Variants in TMEM67 observed in about 807,000 individuals in gnomAD.
The protein encoded by TMEM67 is meckelin.
In TMEM67, 124 loss-of-function variants were observed where a neutral mutation model predicts 136.6. That is an observed-to-expected ratio of 0.91 (90% CI 0.78 to 1.05). The LOEUF (loss-of-function observed/expected upper bound fraction) is 1.05, where lower values mean the gene tolerates loss of function less well. Ranked by LOEUF, TMEM67 falls within the 50% of genes least tolerant of loss-of-function variation. The pLI, the probability that TMEM67 is intolerant of heterozygous loss-of-function variation, is 0.00. For missense variants in TMEM67, 1,107 were observed against 1,178.4 expected (o/e 0.94, Z 0.89); for synonymous variants, 364 against 390.5 (o/e 0.93, Z 0.80).
intron 6 of TMEM67, among the ~76,000 whole-genome samples, chr8:93,766,474 G>A (rs754693087): frequency 5.9e-5 from 9 of 152,190 alleles, no homozygotes; most frequent in Non-Finnish European, 1.2e-4. Flanking sequence ...AGCTTTGGCA[G>A]CAGATGCTGG....
Position 93,808,939 on chromosome 8 carries a change from C to T in TMEM67, c.2539C>T (p.His847Tyr). 2 of 1,603,154 alleles carry T rather than the reference C, an allele frequency of 1.2e-6. No homozygotes were observed. Among genetic ancestry groups the T allele is most frequent in the Non-Finnish European group, 1.7e-6 (2 of 1,170,316 alleles). ...NQMRQHYDRI[H>Y]ETLIRKNGPA... ...GATGAGACAACATTATGACAGAATT[C>T]ATGAGACACTAATAAGGGTTTGTAT... Residue 847 changes from histidine (H) to tyrosine (Y), a missense_variant, in exon 24 of 28, where the codon CAT (histidine) becomes TAT (tyrosine). By Grantham distance (83) the His-to-Tyr change is moderately conservative. Coordinates refer to ENST00000453321, the MANE Select transcript of TMEM67 (RefSeq NM_153704.6).
intron 7 of TMEM67, among the ~76,000 whole-genome samples, chr8:93,779,863 T>C (rs1414944930): frequency 6.6e-6 from 1 of 152,182 alleles, no homozygotes; most frequent in African/African-American, 2.4e-5. Flanking sequence ...CTATCCATTC[T>C]CTGAGCTCAA....
chr8:93,816,408 A>C lies in TMEM67; in HGVS notation c.2944A>C (p.Asn982His), dbSNP rs772586351. ...TATCCGTAATACAGTAGGACAAAAGAATTTGGCATCCAAAACATTGGTGGA... is the reference window on the plus strand; with the variant it reads ...TATCCGTAATACAGTAGGACAAAAGCATTTGGCATCCAAAACATTGGTGGA... ...RYIRNTVGQK[N>H]LASKTLVDQR... Residue 982 changes from asparagine (N) to histidine (H), a missense_variant, in exon 28 of 28, where the codon AAT becomes CAT. By Grantham distance (68) the Asn-to-His change is moderately conservative. Around this residue, in one of 3 missense-constraint regions of TMEM67, gnomAD observed 925 missense variants for 1,002.4 expected, o/e 0.92. Coordinates refer to ENST00000453321, the MANE Select transcript of TMEM67 (RefSeq NM_153704.6). 2 of 1,596,592 alleles carry C rather than the reference A, an allele frequency of 1.3e-6. 1 individual carries two copies. Among genetic ancestry groups the C allele is most frequent in the South Asian group, 2.2e-5 (2 of 89,562 alleles).
intron 12 of TMEM67, chr8:93,785,811 C>T (rs146427130): frequency 2.6e-5 from 6 of 226,870 alleles, no homozygotes; most frequent in East Asian, 1.2e-4. Flanking sequence ...CGGTGGCTCA[C>T]GCCTATAATC....
In TMEM67 at chr8:93,804,782, C is replaced by G; in HGVS notation, c.2343C>G (p.Ser781=). Residue 781 remains serine, a synonymous_variant, in exon 23 of 28, where the codon TCC becomes TCG. Coordinates refer to ENST00000453321, the MANE Select transcript of TMEM67 (RefSeq NM_153704.6). ...TATAGATATCAGTGTTTCTGTTATC[C>G]CACAAATGTTTTGGATATTACATTC... ...SMSNISVFLL[S]HKCFGYYIHG... is the part of the protein sequence containing the mutation. 1 of 1,599,344 alleles carries G rather than the reference C, an allele frequency of 6.3e-7. No individual in the cohort carries two copies. The highest frequency in any genetic ancestry group is 8.6e-7 in the Non-Finnish European group (1 of 1,167,686).
At chr8:93,760,930 G>GA (rs1187359213) in intron 3 of TMEM67, among the ~76,000 whole-genome samples, 1 of 152,052 alleles carries the variant, frequency 6.6e-6, no homozygotes, top group Non-Finnish European at 1.5e-5. Flanking sequence ...TTTAACGTGA[G>GA]AAAAAAATGT....
At chr8:93,825,583 A>G in the TMEM67 span, among the ~76,000 whole-genome samples, 3 of 152,214 alleles carry the variant, frequency 2.0e-5, no homozygotes. Context: ...AGAAAAAATT[A>G]ACCAGAACCA....
At chr8:93,782,308 C>T in intron 10 of TMEM67, 87 bp from the exon 11 acceptor site, 1 of 914,410 alleles carries the variant, frequency 1.1e-6, no homozygotes. Flanking sequence ...TTATGTAGAG[C>T]ATATATCCAT....
rs754191151 is a variant in TMEM67 at position 93,765,409 on chromosome 8, C to T, written c.510C>T (p.Cys170=). The T allele has an allele frequency of 3.7e-5, 60 of 1,610,036 alleles. No individual in the cohort carries two copies. Among genetic ancestry groups the T allele is most frequent in the Non-Finnish European group, 4.6e-5 (54 of 1,178,384 alleles). ...FMVVNALGDR[C]VRCEPTFVNT... is the part of the protein sequence containing the mutation. ...TTATTTTTGTTATATTGAACAGGTG[C>T]GTCCGATGTGAGCCAACATTTGTTA... Residue 170 remains cysteine, a synonymous_variant, in exon 5 of 28, where the codon TGC becomes TGT. Transcript: ENST00000453321.
At chr8:93,762,235 CAA>C (rs1373654350) in intron 3 of TMEM67, among the ~76,000 whole-genome samples, 4 of 151,950 alleles carry the variant, frequency 2.6e-5, no homozygotes, top group African/African-American at 9.7e-5. Flanking sequence ...GCCTGGATGA[CAA>C]GAGCGAAACT....
intron 22 of TMEM67, among the ~76,000 whole-genome samples, chr8:93,804,404 TC>T (rs1389523483): frequency 7.0e-6 from 1 of 142,722 alleles, no homozygotes; most frequent in Non-Finnish European, 1.5e-5. Flanking sequence ...AACCTTGACC[TC>T]CTGAGTTCAA....
chr8:93,804,302 TTTC>T (rs2130760513), intron 22 of TMEM67, among the ~76,000 whole-genome samples: 1 of 94,602 alleles, frequency 1.1e-5, no homozygotes, highest in South Asian at 3.9e-4. Context: ...TCTTTTCTCT[TTTC>T]TTTTCTTTTT....
intron 23 of TMEM67, among the ~76,000 whole-genome samples, chr8:93,805,220 C>T (rs551677942): frequency 1.7e-3 from 262 of 152,238 alleles, no homozygotes; most frequent in African/African-American, 6.1e-3. Flanking sequence ...ATCCACCCAC[C>T]TTGGCCTCCC....
chr8:93,830,906 T>G, the TMEM67 span, among the ~76,000 whole-genome samples: 3 of 152,272 alleles, frequency 2.0e-5, no homozygotes, highest in Non-Finnish European at 4.4e-5. Flanking sequence ...AGTTCTGCCT[T>G]CGCAGAATCA....
intron 6 of TMEM67, among the ~76,000 whole-genome samples, chr8:93,767,203 G>T (rs1200216446): frequency 6.6e-6 from 1 of 152,060 alleles, no homozygotes; most frequent in Non-Finnish European, 1.5e-5. Flanking sequence ...CTCACACTTT[G>T]TACCTGCTTA....
downstream of TMEM67, among the ~76,000 whole-genome samples, chr8:93,819,435 G>A (rs1809008685): frequency 6.6e-6 from 1 of 152,146 alleles, no homozygotes; most frequent in Non-Finnish European, 1.5e-5. Context: ...TTGTCTCTGG[G>A]AGGGAGGGTT....
chr8:93,793,790 A>T (rs1358004671), intron 16 of TMEM67, among the ~76,000 whole-genome samples: 1 of 152,176 alleles, frequency 6.6e-6, no homozygotes, highest in African/African-American at 2.4e-5. Context: ...ATGTTGAAAT[A>T]TATGACCAAA....
intron 23 of TMEM67, among the ~76,000 whole-genome samples, chr8:93,806,103 T>C (rs137926693): frequency 6.6e-6 from 1 of 152,292 alleles, no homozygotes; most frequent in Non-Finnish European, 1.5e-5. Flanking sequence ...GTCTGGAGTA[T>C]AGGCTGCCTC....
intron 18 of TMEM67, among the ~76,000 whole-genome samples, chr8:93,796,316 CAAGGGTA>C (rs1427015128): frequency 2.6e-5 from 4 of 152,138 alleles, no homozygotes; most frequent in African/African-American, 9.7e-5. Flanking sequence ...CTCCATTAAT[CAAGGGTA>C]AAAGGTACCA....
Sources: gnomAD v4.1 joint callset for allele counts (sites outside exome capture counted in the v4.1 genomes callset) on GRCh38, gnomAD v4.1.1 for gene constraint, gnomAD v4.1.1 regional missense constraint, MANE v1.5 for transcripts, NCBI Gene and HGNC (gene_info 2026-07-23, HGNC 2026-07-21) for gene names.